Variants in SLC39A13 observed in about 807,000 individuals in gnomAD.
The protein encoded by SLC39A13 is solute carrier family 39 member 13.
SLC39A13 carries 18 observed loss-of-function variants against 38.7 expected under a neutral mutation model. The ratio of observed to expected loss-of-function variants is 0.47; its 90% CI spans 0.32 to 0.69. The LOEUF (loss-of-function observed/expected upper bound fraction) is 0.69, where lower values mean the gene tolerates loss of function less well. Among genes scored for constraint, SLC39A13 ranks in the 30% least tolerant of loss-of-function variants. The pLI is 0.03. For synonymous variants in SLC39A13, 212 were observed against 219.1 expected (o/e 0.97, Z 0.29); for missense variants, 395 against 490.7 (o/e 0.80, Z 1.84).
chr11:47,414,196 C>T (rs2096014115), intron 6 of SLC39A13: 4 of 619,526 alleles, frequency 6.5e-6, no homozygotes, highest in Non-Finnish European at 1.1e-5. Flanking sequence ...CCATCCTTTC[C>T]TTCCCAGCGC....
intron 1 of SLC39A13, 83 bp from the exon 2 acceptor site, chr11:47,410,003 CG>C: frequency 1.3e-6 from 2 of 1,534,728 alleles, no homozygotes; most frequent in South Asian, 1.1e-5. Context: ...GGGTCCCTTG[CG>C]GGGAGGAGGG....
rs2153301360 is a variant in SLC39A13, at chr11:47,414,771, C to T, written c.787-6C>T. On this transcript the variant is annotated splice_region_variant and splice_polypyrimidine_tract_variant and intron_variant, in intron 7 of 9. Transcript: ENST00000362021. Reference sequence around the variant, plus strand: ...GCGCAGGGTGAACCTCTGGACCTCCCTTCAGGTGGGCGACTTTGCCATCCT... The same window carrying T: ...GCGCAGGGTGAACCTCTGGACCTCCTTTCAGGTGGGCGACTTTGCCATCCT... 1 of 1,607,486 alleles carries T rather than the reference C, an allele frequency of 6.2e-7. No homozygotes were observed. The highest frequency in any genetic ancestry group is 1.1e-5 in the South Asian group (1 of 91,016).
intron 6 of SLC39A13, 143 bp downstream of exon 6, chr11:47,413,829 G>C: frequency 1.1e-6 from 1 of 909,984 alleles, no homozygotes; most frequent in African/African-American, 1.6e-5. Flanking sequence ...CCCTGCTGCT[G>C]TCCTGGCCGC....
In SLC39A13 at chr11:47,410,407, T is replaced by A; in HGVS notation, c.301+12T>A. The A allele has an allele frequency of 2.5e-6, 4 of 1,613,664 alleles. No individual in the cohort carries two copies. Among genetic ancestry groups the A allele is most frequent in the Non-Finnish European group, 3.4e-6 (4 of 1,179,974 alleles). ...GCTGCGCTCAGAAGGTAGGTGACTC[T>A]CCGGTGGCGCCCAGGGCTGGCCAGG... On this transcript the variant is annotated intron_variant, in intron 2 of 9. Transcript: ENST00000362021.
chr11:47,409,529 G>A (rs181824400), intron 1 of SLC39A13: 2 of 163,114 alleles, frequency 1.2e-5, no homozygotes, highest in East Asian at 3.6e-4. Flanking sequence ...ACAAGAGAGA[G>A]GCATCCCCTG....
chr11:47,410,443 C>T (rs1317908288), intron 2 of SLC39A13, 48 bp downstream of exon 2: 4 of 1,605,242 alleles, frequency 2.5e-6, no homozygotes, highest in Non-Finnish European at 3.4e-6. Context: ...GTGTGGGAAG[C>T]ATGCTGCTGC....
intron 2 of SLC39A13, among the ~76,000 whole-genome samples, chr11:47,411,549 G>T (rs1050706342): frequency 6.6e-6 from 1 of 152,212 alleles, no homozygotes; most frequent in Admixed American, 6.5e-5. Context: ...AGGTTGCAGT[G>T]AACCAAGATC....
At chr11:47,410,478 A>G in intron 2 of SLC39A13, 83 bp downstream of exon 2, 5 of 1,514,146 alleles carry the variant, frequency 3.3e-6, no homozygotes, top group Non-Finnish European at 4.6e-6. Context: ...CCCAGGTCAC[A>G]GAGTGTCTGA....
chr11:47,414,557 G>A, intron 7 of SLC39A13, 82 bp downstream of exon 7: 1 of 1,564,584 alleles, frequency 6.4e-7, no homozygotes, highest in South Asian at 1.1e-5. Context: ...TCAGGAGGGT[G>A]TGGGGCTGGG....
chr11:47,408,365 C>G (rs1199933089), upstream of SLC39A13, among the ~76,000 whole-genome samples: 5 of 152,112 alleles, frequency 3.3e-5, no homozygotes, highest in Non-Finnish European at 7.4e-5. Flanking sequence ...GTGGCTCTCT[C>G]ACTTCCGACC....
intron 4 of SLC39A13, 77 bp from the exon 5 acceptor site, chr11:47,413,309 GTCTCTCTTTCTCCA>G: frequency 7.5e-7 from 1 of 1,336,296 alleles, no homozygotes; most frequent in Non-Finnish European, 1.1e-6. Flanking sequence ...CCCAGCCCCC[GTCTCTCTTTCTCCA>G]TCTCTCTCCC....
chr11:47,413,304 C>T (rs2096008831), intron 4 of SLC39A13, 96 bp from the exon 5 acceptor site: 2 of 1,272,972 alleles, frequency 1.6e-6, no homozygotes, highest in Non-Finnish European at 2.3e-6. Flanking sequence ...CTGCACCCAG[C>T]CCCCGTCTCT....
At chr11:47,409,432 G>A (rs570792381) in intron 1 of SLC39A13, among the ~76,000 whole-genome samples, 9 of 152,246 alleles carry the variant, frequency 5.9e-5, no homozygotes, top group Non-Finnish European at 1.0e-4. Context: ...CTGAGGCTCA[G>A]AGGGGGGGCT....
rs2096001621 is a variant in SLC39A13, at chr11:47,411,976, T to C, written c.352T>C (p.Leu118=). The change falls in exon 3 of 10, where the codon TTG becomes CTG. Residue 118 remains leucine (L), a synonymous_variant. Transcript: ENST00000362021. ...GCTCAGCTTCGCCCTGGGGGGACTC[T>C]TGGGCAATGTGTTTCTGCATCTGCT... ...QLLSFALGGL[L]GNVFLHLLPE... 2 of 1,613,822 alleles carry C rather than the reference T, an allele frequency of 1.2e-6. No individual in the cohort carries two copies. The highest frequency in any genetic ancestry group is 3.3e-5 in the Admixed American group (2 of 59,988).
chr11:47,411,692 C>T (rs2153295015), intron 2 of SLC39A13, among the ~76,000 whole-genome samples: 1 of 152,364 alleles, frequency 6.6e-6, no homozygotes, highest in South Asian at 2.1e-4. Flanking sequence ...GCCAAGGTCA[C>T]CAGCTAGTGG....
intron 6 of SLC39A13, chr11:47,414,147 TAA>T: frequency 1.6e-6 from 1 of 607,694 alleles, no homozygotes. Context: ...CCTCCTCATC[TAA>T]ATTTGGTTCC....
Position 47,414,829 on chromosome 11 carries a change from C to T in SLC39A13, c.839C>T (p.Ala280Val). ...GCCGGCTTTGACCGATGGAGCGCAG[C>T]CAAGCTGCAACTCTCAACAGCGCTG... ...LRAGFDRWSA[A>V]KLQLSTALGG... The change falls in exon 8 of 10, where the codon GCC (alanine) becomes GTC (valine). Residue 280 changes from alanine (A) to valine (V), a missense_variant. Physicochemically the swap from Ala to Val is moderately conservative, Grantham distance 64. Transcript: ENST00000362021. The T allele has an allele frequency of 6.2e-7, 1 of 1,612,356 alleles. No homozygotes were observed. The highest frequency in any genetic ancestry group is 8.5e-7 in the Non-Finnish European group (1 of 1,180,018).
rs35978122 is a variant in SLC39A13 at position 47,415,156 on chromosome 11, C to T, written c.1037C>T (p.Pro346Leu). The T allele has an allele frequency of 4.6e-4, 741 of 1,611,532 alleles. 2 individuals carry two copies. In the African/African-American group the frequency reaches 8.1e-3, roughly 18 times the overall value. The stretch of plus-strand genomic sequence containing the variant: ...CCTGACCTCTTGGAAGAAGAGGACC[C>T]GTGGTGAGTGACCTGTTGGAGGAAG... ...VLPDLLEEEDPWRSLQQLLLL... is the reference protein window; with the variant it reads ...VLPDLLEEEDLWRSLQQLLLL... Residue 346 changes from proline (P) to leucine (L), a missense_variant, in exon 9 of 10, where the codon CCG (proline) becomes CTG (leucine). Physicochemically the swap from Pro to Leu is moderately conservative, Grantham distance 98. Coordinates refer to ENST00000362021, the MANE Select transcript of SLC39A13 (RefSeq NM_001128225.3).
In SLC39A13 at chr11:47,412,319, C is replaced by T. The variant is rs771880184; in HGVS notation, c.416-27C>T. On this transcript the variant is annotated intron_variant, in intron 3 of 9. Coordinates refer to ENST00000362021, the MANE Select transcript of SLC39A13 (RefSeq NM_001128225.3). ...TGGCCCTGGCTTGGCTTGGCCTGGC[C>T]TGGCCTGGCATTGCCGCCCCCTGCA... is the stretch of plus-strand genomic sequence containing the variant. 5 of 1,605,434 alleles carry T rather than the reference C, an allele frequency of 3.1e-6. No homozygotes were observed. In the Admixed American group the frequency reaches 5.2e-5, roughly 17 times the overall value.
Sources: gnomAD v4.1 joint callset for allele counts (sites outside exome capture counted in the v4.1 genomes callset) on GRCh38, gnomAD v4.1.1 for gene constraint, MANE v1.5 for transcripts, NCBI Gene and HGNC (gene_info 2026-07-23, HGNC 2026-07-21) for gene names.